ZNF705G: variants seen among roughly 807,000 people sequenced by gnomAD.
ZNF705G encodes the protein zinc finger protein 705G, also known as putative zinc finger protein 705G.
A neutral mutation model predicts 19.6 loss-of-function variants in ZNF705G; 23 were observed. The observed-to-expected ratio is 1.17, with a 90% CI of 0.84 to 1.66. The LOEUF is 1.66. ZNF705G is among the 40% of genes most tolerant of loss of function. The pLI, the probability that ZNF705G is intolerant of heterozygous loss-of-function variation, is 0.00. For missense variants in ZNF705G, 457 were observed against 354.4 expected (o/e 1.29, Z -2.32); for synonymous variants, 146 against 117.7 (o/e 1.24, Z -1.56).
intron 2 of ZNF705G, among the ~76,000 whole-genome samples, chr8:7,365,052 T>C (rs1281718699): frequency 2.0e-5 from 3 of 149,570 alleles, no homozygotes; most frequent in African/African-American, 5.1e-5. Flanking sequence ...TAACTGGTCA[T>C]ATACAGACTG....
chr8:7,365,921 C>T (rs140754201), intron 2 of ZNF705G, among the ~76,000 whole-genome samples: 3,629 of 149,136 alleles, frequency 0.024, 467 homozygotes, highest in African/African-American at 0.089. Context: ...CTGTCCTTTC[C>T]CTTCCTTTAA....
In ZNF705G at chr8:7,361,289, G is replaced by A. The variant is rs60925651; in HGVS notation, c.13-53C>T. The stretch of plus-strand genomic sequence containing the variant: ...GACAGAGAAATTCCTTTCAATGTCC[G>A]GAAGAGGAAGGCTGAGATGACATAG... On this transcript the variant is annotated intron_variant, in intron 3 of 6. Coordinates refer to ENST00000400156, the MANE Select transcript of ZNF705G (RefSeq NM_001164457.3). 4.2e-3 allele frequency: 6,637 copies of A among 1,591,358 alleles called. 818 individuals are homozygous for A. The African/African-American group carries it at 0.074, about 18-fold the overall frequency.
intron 2 of ZNF705G, 130 bp from the exon 3 acceptor site, chr8:7,363,147 C>T (rs1806685531): frequency 8.2e-7 from 1 of 1,218,162 alleles, no homozygotes; most frequent in Non-Finnish European, 1.2e-6. Context: ...CAGACACAAA[C>T]ATGCAGAGGC....
At chr8:7,376,704 G>C (rs1309357518) in intron 2 of ZNF705G, among the ~76,000 whole-genome samples, 1 of 150,178 alleles carries the variant, frequency 6.7e-6, no homozygotes, top group Non-Finnish European at 1.5e-5. Flanking sequence ...AGTGAGTGAA[G>C]TCTCAGGGTG....
In ZNF705G at chr8:7,357,089, G is replaced by C. The variant is rs1435935250; in HGVS notation, c.*887C>G. 1.3e-5 allele frequency: 2 copies of C among 150,048 alleles called. No homozygotes were observed. The highest frequency in any genetic ancestry group is 2.9e-5 in the Non-Finnish European group (2 of 68,028). 9.3% of individuals were successfully genotyped at this position (150,048 alleles called of 1,614,324 possible). ...TTCAAGTTTGATAGCTCCTCAATGT[G>C]AGAAACTCAATGTCAACTAAGAAAT... is the stretch of plus-strand genomic sequence containing the variant. On this transcript the variant is annotated 3_prime_UTR_variant, in exon 7 of 7. Transcript: ENST00000400156.
chr8:7,356,508 T>C lies in ZNF705G; in HGVS notation c.*1468A>G, dbSNP rs1806260936. The C allele has an allele frequency of 6.7e-6, 1 of 149,800 alleles. No individual in the cohort carries two copies. Among genetic ancestry groups the C allele is most frequent in the South Asian group, 2.1e-4 (1 of 4,776 alleles). 9.3% of individuals were successfully genotyped at this position (149,800 alleles called of 1,614,324 possible). ...CCCAAATGCATATACAAGGTGTCTT[T>C]GATACAGCCTCCATTTCCCTGCTAA... is the stretch of plus-strand genomic sequence containing the variant. On this transcript the variant is annotated 3_prime_UTR_variant, in exon 7 of 7. Coordinates refer to ENST00000400156, the MANE Select transcript of ZNF705G (RefSeq NM_001164457.3).
chr8:7,370,371 A>T (rs1807048836), intron 2 of ZNF705G, among the ~76,000 whole-genome samples: 1 of 149,560 alleles, frequency 6.7e-6, no homozygotes, highest in African/African-American at 2.6e-5. Context: ...ATCTCTAATC[A>T]TCAGGGGGAT....
At position 7,357,157 on chromosome 8, in the gene ZNF705G, T is replaced by C. The variant is rs1401907997; in HGVS notation, c.*819A>G. ...TTTTCTCCTTTCAAGATGCTAACCA[T>C]GTTTTGTCCAGTGAGAAATCTCACA... On this transcript the variant is annotated 3_prime_UTR_variant, in exon 7 of 7. Transcript: ENST00000400156. 1 of 150,634 alleles carries C rather than the reference T, an allele frequency of 6.6e-6. No individual in the cohort carries two copies. The highest frequency in any genetic ancestry group is 1.5e-5 in the Non-Finnish European group (1 of 68,132). 9.3% of individuals were successfully genotyped at this position (150,634 alleles called of 1,614,324 possible). A position where few individuals can be genotyped will look rare whatever the true frequency, so the allele number is the denominator to read the frequency against.
Position 7,361,133 on chromosome 8 carries a change from T to C in ZNF705G, c.116A>G (p.Asn39Ser). ...ACCGAGGGACACCAGGTGACTGATA[T>C]TTTCCAGCATCACATCTCTGTACAG... ...RKLYRDVMLE[N>S]ISHLVSLGYQ... is the part of the protein sequence containing the mutation. Residue 39 changes from asparagine (N) to serine (S), a missense_variant, in exon 4 of 7, where the codon AAT becomes AGT. By Grantham distance (46) the Asn-to-Ser change is conservative. Transcript: ENST00000400156. 1.9e-6 allele frequency: 3 copies of C among 1,592,960 alleles called. No homozygotes were observed. Among genetic ancestry groups the C allele is most frequent in the Non-Finnish European group, 8.5e-7 (1 of 1,179,434 alleles).
intron 2 of ZNF705G, among the ~76,000 whole-genome samples, chr8:7,371,596 A>G (rs1337671640): frequency 1.4e-4 from 14 of 101,890 alleles, no homozygotes; most frequent in African/African-American, 4.4e-4. Context: ...ACTGAGATGT[A>G]CACCTTAAAT....
intron 2 of ZNF705G, among the ~76,000 whole-genome samples, chr8:7,364,635 C>T (rs1806775898): frequency 6.7e-6 from 1 of 149,608 alleles, no homozygotes; most frequent in Non-Finnish European, 1.5e-5. Flanking sequence ...CTGGGGACTC[C>T]AGTATTTAGA....
At chr8:7,368,135 A>C (rs1331704367) in intron 2 of ZNF705G, among the ~76,000 whole-genome samples, 1 of 149,510 alleles carries the variant, frequency 6.7e-6, no homozygotes, top group Non-Finnish European at 1.5e-5. Context: ...CTACATTCCA[A>C]GAGACATGCC....
In ZNF705G at chr8:7,356,669, G is replaced by A. The variant is rs544113353; in HGVS notation, c.*1307C>T. ...GGAGGTGAGCTGTGAGGAAAGAGCT[G>A]TTGAAGACTGGGGAGACTCAGAAGT... On this transcript the variant is annotated 3_prime_UTR_variant, in exon 7 of 7. Coordinates refer to ENST00000400156, the MANE Select transcript of ZNF705G (RefSeq NM_001164457.3). The A allele has an allele frequency of 6.0e-5, 9 of 149,750 alleles. No homozygotes were observed. The highest frequency in any genetic ancestry group is 2.3e-4 in the African/African-American group (9 of 39,102). 9.3% of individuals were successfully genotyped at this position (149,750 alleles called of 1,614,324 possible).
intron 2 of ZNF705G, among the ~76,000 whole-genome samples, chr8:7,379,048 A>T (rs1807369186): frequency 6.6e-6 from 1 of 150,604 alleles, no homozygotes; most frequent in Non-Finnish European, 1.5e-5. Context: ...TCTCATTCAT[A>T]GAGTTTTCTT....
Position 7,360,089 on chromosome 8 carries a change from A to T in ZNF705G, c.235+148T>A, listed in dbSNP as rs1288424340. Reference sequence around the variant, plus strand: ...GCATCTGACACATGAACAAAATGATAATAACATCTAAGGAATTCTGCTCCA... The same window carrying T: ...GCATCTGACACATGAACAAAATGATTATAACATCTAAGGAATTCTGCTCCA... On this transcript the variant is annotated intron_variant, in intron 5 of 6. Transcript: ENST00000400156. The T allele has an allele frequency of 6.5e-6, 7 of 1,073,596 alleles. No individual in the cohort carries two copies. In the African/African-American group the frequency reaches 1.3e-4, roughly 20 times the overall value. 66.5% of individuals were successfully genotyped at this position (1,073,596 alleles called of 1,614,324 possible).
intron 2 of ZNF705G, among the ~76,000 whole-genome samples, chr8:7,366,720 C>T (rs763216849): frequency 4.7e-5 from 7 of 149,638 alleles, no homozygotes; most frequent in Non-Finnish European, 8.8e-5. Context: ...GAAATTTAAA[C>T]ATTGCTTGAG....
intron 2 of ZNF705G, among the ~76,000 whole-genome samples, chr8:7,371,525 G>A (rs1487453858): frequency 9.3e-6 from 1 of 107,480 alleles, no homozygotes; most frequent in East Asian, 3.0e-4. Flanking sequence ...GGGAGGTGAA[G>A]GATATGGTTA....
intron 2 of ZNF705G, among the ~76,000 whole-genome samples, chr8:7,370,738 A>G (rs1399759700): frequency 3.8e-5 from 5 of 131,714 alleles, no homozygotes; most frequent in Non-Finnish European, 7.8e-5. Context: ...AATATAAATC[A>G]TTCTATTATA....
At chr8:7,369,235 G>A (rs1327830508) in intron 2 of ZNF705G, among the ~76,000 whole-genome samples, 2 of 149,414 alleles carry the variant, frequency 1.3e-5, no homozygotes, top group Admixed American at 6.6e-5. Flanking sequence ...ATTTGGGTGG[G>A]GACACAGAGC....
Sources: allele counts gnomAD v4.1 joint callset (sites outside exome capture counted in the v4.1 genomes callset), GRCh38; gene constraint gnomAD v4.1.1; transcripts MANE v1.5; gene names NCBI Gene and HGNC (gene_info 2026-07-23, HGNC 2026-07-21).